SYNGR3: variants seen among roughly 807,000 people sequenced by gnomAD.
SYNGR3 encodes the protein synaptogyrin 3.
In SYNGR3, 10 loss-of-function variants were observed where a neutral mutation model predicts 18.5. The ratio of observed to expected loss-of-function variants is 0.54; its 90% CI spans 0.33 to 0.92. The LOEUF is 0.92. Ranked by LOEUF, SYNGR3 falls within the 40% of genes least tolerant of loss-of-function variation. SYNGR3 has a pLI of 0.02. For synonymous variants in SYNGR3, 188 were observed against 157.2 expected (o/e 1.20, Z -1.47); for missense variants, 335 against 332.8 (o/e 1.01, Z -0.05).
rs1465621758 is a variant in SYNGR3 at position 1,991,974 on chromosome 16, G to A, written c.100G>A (p.Val34Met). Residue 34 changes from valine (V) to methionine (M), a missense_variant and splice_region_variant, in exon 2 of 4, where the codon GTG becomes ATG. By Grantham distance (21) the Val-to-Met change is conservative. Transcript: ENST00000248121. ...PQTLLRVASW[V>M]FSIAVFGPIV... is the part of the protein sequence containing the mutation. ...GCCCTGAGCGCCGCGCCGCACGCAGGTGTTCTCCATCGCCGTCTTCGGGCC... is the reference window on the plus strand; with the variant it reads ...GCCCTGAGCGCCGCGCCGCACGCAGATGTTCTCCATCGCCGTCTTCGGGCC... The A allele has an allele frequency of 6.3e-7, 1 of 1,594,826 alleles. No individual in the cohort carries two copies. Among genetic ancestry groups the A allele is most frequent in the Non-Finnish European group, 8.5e-7 (1 of 1,172,960 alleles).
In SYNGR3 at chr16:1,991,998, C is replaced by A. The variant is rs776560055; in HGVS notation, c.124C>A (p.Pro42Thr). 7 of 1,594,872 alleles carry A rather than the reference C, an allele frequency of 4.4e-6. No homozygotes were observed. The South Asian group carries it at 5.6e-5, about 13-fold the overall frequency. Residue 42 changes from proline to threonine, a missense_variant, in exon 2 of 4, where the codon CCC (proline) becomes ACC (threonine). Coordinates refer to ENST00000248121, the MANE Select transcript of SYNGR3 (RefSeq NM_004209.6). ...SWVFSIAVFG[P>T]IVNEGYVNTD... ...GGTGTTCTCCATCGCCGTCTTCGGG[C>A]CCATCGTCAACGAGGGCTACGTGAA...
In SYNGR3 at chr16:1,992,858, C is replaced by T; in HGVS notation, c.481-5C>T. ...GGCTGACCCCGCTGACCCCGCCCCG[C>T]GCAGGTGGCGCTCACCGTGAAGGCC... On this transcript the variant is annotated splice_polypyrimidine_tract_variant and splice_region_variant and intron_variant, in intron 3 of 3. Coordinates refer to ENST00000248121, the MANE Select transcript of SYNGR3 (RefSeq NM_004209.6). The T allele has an allele frequency of 1.3e-6, 2 of 1,552,552 alleles. No individual in the cohort carries two copies. The highest frequency in any genetic ancestry group is 1.7e-6 in the Non-Finnish European group (2 of 1,150,006).
Position 1,993,033 on chromosome 16 carries a change from G to A in SYNGR3, c.651G>A (p.Leu217=). 6.2e-7 allele frequency: 1 copy of A among 1,611,918 alleles called. No individual in the cohort carries two copies. The highest frequency in any genetic ancestry group is 8.5e-7 in the Non-Finnish European group (1 of 1,179,668). ...TYQSPPFTET[L]DTSPKGYQVP... ...AGAGCCCGCCCTTCACCGAGACCCT[G>A]GACACCAGCCCCAAAGGGTACCAGG... The change falls in exon 4 of 4, where the codon CTG becomes CTA. Residue 217 remains leucine (L), a synonymous_variant. Coordinates refer to ENST00000248121, the MANE Select transcript of SYNGR3 (RefSeq NM_004209.6).
At chr16:1,991,723 G>A in intron 1 of SYNGR3, 1 of 499,098 alleles carries the variant, frequency 2.0e-6, no homozygotes, top group East Asian at 3.6e-5. Flanking sequence ...GGGACTTTCT[G>A]AGGATTTGGT....
chr16:1,993,030 C>A lies in SYNGR3; in HGVS notation c.648C>A (p.Thr216=), dbSNP rs543212050. The stretch of plus-strand genomic sequence containing the variant: ...ACCAGAGCCCGCCCTTCACCGAGAC[C>A]CTGGACACCAGCCCCAAAGGGTACC... ...ETYQSPPFTE[T]LDTSPKGYQV... is the part of the protein sequence containing the mutation. Residue 216 remains threonine (T), a synonymous_variant, in exon 4 of 4, where the codon ACC becomes ACA. Transcript: ENST00000248121. The A allele has an allele frequency of 5.6e-6, 9 of 1,612,078 alleles. No individual in the cohort carries two copies. The East Asian group carries it at 1.8e-4, about 32-fold the overall frequency.
chr16:1,992,563 C>G (rs1597067371), intron 2 of SYNGR3, 73 bp from the exon 3 acceptor site: 3 of 1,534,304 alleles, frequency 2.0e-6, no homozygotes, highest in East Asian at 5.1e-5. Flanking sequence ...GCCCACCGAC[C>G]TTTCCTCCTC....
intron 2 of SYNGR3, 132 bp from the exon 3 acceptor site, chr16:1,992,504 G>C: frequency 2.4e-6 from 3 of 1,238,752 alleles, no homozygotes; most frequent in Non-Finnish European, 3.2e-6. Flanking sequence ...AGAGGGAGGC[G>C]GGACCTCGCG....
chr16:1,990,139 G>T lies in SYNGR3; in HGVS notation c.37G>T (p.Ala13Ser), dbSNP rs2083594583. The T allele has an allele frequency of 6.5e-6, 8 of 1,229,108 alleles. No individual in the cohort carries two copies. In the South Asian group the frequency reaches 3.0e-4, roughly 46 times the overall value. 76.1% of individuals were successfully genotyped at this position (1,229,108 alleles called of 1,614,324 possible). A position where few individuals can be genotyped will look rare whatever the true frequency, so the allele number is the denominator to read the frequency against. The change falls in exon 1 of 4, where the codon GCC becomes TCC. Residue 13 changes from alanine to serine, a missense_variant. Coordinates refer to ENST00000248121, the MANE Select transcript of SYNGR3 (RefSeq NM_004209.6). ...GASFGAGRAGAALDPVSFARR... is the reference protein window; with the variant it reads ...GASFGAGRAGSALDPVSFARR... ...CTCCTTCGGCGCGGGCCGCGCAGGG[G>T]CCGCCCTGGACCCCGTGAGCTTTGC...
At position 1,992,030 on chromosome 16, in the gene SYNGR3, C is replaced by A; in HGVS notation, c.156C>A (p.Asp52Glu). 6.3e-7 allele frequency: 1 copy of A among 1,586,334 alleles called. No homozygotes were observed. The highest frequency in any genetic ancestry group is 8.6e-7 in the Non-Finnish European group (1 of 1,168,260). The change falls in exon 2 of 4, where the codon GAC becomes GAA. Residue 52 changes from aspartate to glutamate, a missense_variant. By Grantham distance (45) the Asp-to-Glu change is conservative (BLOSUM62 2). Coordinates refer to ENST00000248121, the MANE Select transcript of SYNGR3 (RefSeq NM_004209.6). ...PIVNEGYVNT[D>E]SGPELRCVFN... ...TCAACGAGGGCTACGTGAACACCGA[C>A]AGCGGCCCCGAGCTGCGCTGCGTGT...
In SYNGR3 at chr16:1,992,203, G is replaced by A; in HGVS notation, c.329G>A (p.Gly110Asp). 2 of 1,346,586 alleles carry A rather than the reference G, an allele frequency of 1.5e-6. No individual in the cohort carries two copies. The highest frequency in any genetic ancestry group is 3.1e-5 in the South Asian group (2 of 63,794). The allele number at this position is 1,346,586 out of a possible 1,614,324, so 83.4% of individuals were successfully genotyped here. The stretch of plus-strand genomic sequence containing the variant: ...CGGCGCGCGGTGTTGCTGGACCTGG[G>A]CTTCTCAGGTGGGCGGGGCCGGGGC... The part of the protein sequence containing the change: ...DRRRAVLLDL[G>D]FSGLWSFLWF... The change falls in exon 2 of 4, where the codon GGC becomes GAC. Residue 110 changes from glycine (G) to aspartate (D), a missense_variant. Coordinates refer to ENST00000248121, the MANE Select transcript of SYNGR3 (RefSeq NM_004209.6).
At chr16:1,990,289 CCCTGCTT>C (rs1195995344) in intron 1 of SYNGR3, 88 bp downstream of exon 1, 2 of 551,942 alleles carry the variant, frequency 3.6e-6, no homozygotes, top group Non-Finnish European at 2.7e-6. Flanking sequence ...ACCCCCTGCC[CCCTGCTT>C]CTCGCCCCCC....
At chr16:1,990,613 G>C (rs2083598382) in intron 1 of SYNGR3, 1 of 390,116 alleles carries the variant, frequency 2.6e-6, no homozygotes. Flanking sequence ...CCCTTCCCCC[G>C]CACACACACC....
intron 1 of SYNGR3, chr16:1,991,592 A>C (rs2083604143): frequency 4.7e-6 from 1 of 214,308 alleles, no homozygotes; most frequent in Non-Finnish European, 9.6e-6. Flanking sequence ...GGTGCAGAGT[A>C]CCTGGCTTGA....
At chr16:1,992,556 C>T (rs888012635) in intron 2 of SYNGR3, 80 bp from the exon 3 acceptor site, 11 of 1,513,310 alleles carry the variant, frequency 7.3e-6, no homozygotes, top group Non-Finnish European at 9.7e-6. Flanking sequence ...GCCTCGGGCC[C>T]ACCGACCTTT....
In SYNGR3 at chr16:1,993,561, C is replaced by T. The variant is rs772094111; in HGVS notation, c.*489C>T. On this transcript the variant is annotated 3_prime_UTR_variant, in exon 4 of 4. Transcript: ENST00000248121. ...TTCTGTCATGGTGGTGCGTCCCGTC[C>T]GGAGCCACTCTCCACTTTCTCTCAC... 9.8e-5 allele frequency: 45 copies of T among 459,330 alleles called. No homozygotes were observed. The highest frequency in any genetic ancestry group is 3.4e-4 in the South Asian group (22 of 64,600). The allele number at this position is 459,330 out of a possible 1,614,324, so 28.5% of individuals were successfully genotyped here. A position where few individuals can be genotyped will look rare whatever the true frequency, so the allele number is the denominator to read the frequency against.
Position 1,993,889 on chromosome 16 carries a change from G to T in SYNGR3, c.*817G>T. 3.3e-6 allele frequency: 1 copy of T among 303,156 alleles called. No homozygotes were observed. Among genetic ancestry groups the T allele is most frequent in the South Asian group, 2.8e-5 (1 of 35,944 alleles). 18.8% of individuals were successfully genotyped at this position (303,156 alleles called of 1,614,324 possible). On this transcript the variant is annotated 3_prime_UTR_variant, in exon 4 of 4. Transcript: ENST00000248121. ...CACCGTGCCCCACAAGATGGCCCCTGTGTGGTTCCCTTTACCTTGGCTTCC... is the reference window on the plus strand; with the variant it reads ...CACCGTGCCCCACAAGATGGCCCCTTTGTGGTTCCCTTTACCTTGGCTTCC...
In SYNGR3 at chr16:1,992,064, A is replaced by G; in HGVS notation, c.190A>G (p.Asn64Asp). The change falls in exon 2 of 4, where the codon AAC becomes GAC. Residue 64 changes from asparagine to aspartate, a missense_variant. Transcript: ENST00000248121. ...GPELRCVFNG[N>D]AGACRFGVAL... ...CGAGCTGCGCTGCGTGTTCAACGGG[A>G]ACGCGGGCGCCTGCCGCTTCGGCGT... is the stretch of plus-strand genomic sequence containing the variant. The G allele has an allele frequency of 6.4e-7, 1 of 1,571,398 alleles. No homozygotes were observed. The highest frequency in any genetic ancestry group is 8.6e-7 in the Non-Finnish European group (1 of 1,160,514).
Position 1,990,144 on chromosome 16 carries a change from C to G in SYNGR3, c.42C>G (p.Ala14=). 1 of 1,248,400 alleles carries G rather than the reference C, an allele frequency of 8.0e-7. No individual in the cohort carries two copies. The highest frequency in any genetic ancestry group is 1.0e-6 in the Non-Finnish European group (1 of 994,336). The allele number at this position is 1,248,400 out of a possible 1,614,324, so 77.3% of individuals were successfully genotyped here. A position where few individuals can be genotyped will look rare whatever the true frequency, so the allele number is the denominator to read the frequency against. The part of the protein sequence containing the change: ...ASFGAGRAGA[A]LDPVSFARRP... The stretch of plus-strand genomic sequence containing the variant: ...TCGGCGCGGGCCGCGCAGGGGCCGC[C>G]CTGGACCCCGTGAGCTTTGCGCGGC... The change falls in exon 1 of 4, where the codon GCC becomes GCG. Residue 14 remains alanine, a synonymous_variant. Transcript: ENST00000248121.
intron 1 of SYNGR3, chr16:1,990,457 C>G (rs1213024830): frequency 1.8e-6 from 1 of 549,190 alleles, no homozygotes; most frequent in Non-Finnish European, 3.4e-6. Flanking sequence ...TCGCCTCTAC[C>G]CCTACCTCCT....
Sources: allele counts gnomAD v4.1 joint callset, GRCh38; gene constraint gnomAD v4.1.1; transcripts MANE v1.5; gene names NCBI Gene and HGNC (gene_info 2026-07-23, HGNC 2026-07-21).